Variants in JAKMIP3 observed in about 807,000 individuals in gnomAD.
JAKMIP3 encodes the protein Janus kinase and microtubule interacting protein 3, also known as janus kinase and microtubule-interacting protein 3.
A neutral mutation model predicts 118.5 loss-of-function variants in JAKMIP3; 58 were observed. That is an observed-to-expected ratio of 0.49 (90% CI 0.40 to 0.61). JAKMIP3 has a LOEUF of 0.61. JAKMIP3 is among the 20% of genes least tolerant of loss of function. The pLI is 0.00. For synonymous variants in JAKMIP3, 486 were observed against 451.2 expected (o/e 1.08, Z -0.98); for missense variants, 950 against 1,109.0 (o/e 0.86, Z 2.04).
intron 1 of JAKMIP3, among the ~76,000 whole-genome samples, chr10:132,085,949 G>A (rs1812420018): frequency 6.6e-6 from 1 of 152,028 alleles, no homozygotes; most frequent in Non-Finnish European, 1.5e-5. Context: ...CTAGCTTCTT[G>A]AGGTGTGACC....
At chr10:132,135,356 G>A (rs960410288) in intron 5 of JAKMIP3, among the ~76,000 whole-genome samples, 196 bp downstream of exon 5, 1 of 152,210 alleles carries the variant, frequency 6.6e-6, no homozygotes, top group African/African-American at 2.4e-5. Context: ...TGCCCCTCAA[G>A]GGCTGGTTGA....
rs145216345 is a variant in JAKMIP3 at position 132,126,170 on chromosome 10, G to A, written c.634-7142G>A. On this transcript the variant is annotated intron_variant, in intron 3 of 23. Transcript: ENST00000684848. ...GTGTAACTTTGAACAGAGAAGTGTT[G>A]AGAGTGACCACCTCCTGTCCTAATT... Among the ~76,000 whole-genome samples, 1,163 of 152,308 alleles carry A rather than the reference G, an allele frequency of 7.6e-3. 8 individuals are homozygous for A. Among genetic ancestry groups the A allele is most frequent in the Non-Finnish European group, 0.012 (811 of 68,028 alleles).
At chr10:132,132,569 C>T (rs1036230149) in intron 3 of JAKMIP3, among the ~76,000 whole-genome samples, 4 of 152,302 alleles carry the variant, frequency 2.6e-5, no homozygotes, top group South Asian at 2.1e-4. Context: ...TGGGGAGGGC[C>T]GCCGACCTCT....
intron 19 of JAKMIP3, among the ~76,000 whole-genome samples, chr10:132,155,935 C>G (rs1011377479): frequency 1.3e-5 from 2 of 152,164 alleles, no homozygotes; most frequent in African/African-American, 4.8e-5. Context: ...GTCTGTCCAC[C>G]CTGCTCATGG....
intron 1 of JAKMIP3, among the ~76,000 whole-genome samples, chr10:132,073,589 C>T (rs1488557004): frequency 9.2e-5 from 14 of 151,856 alleles, no homozygotes; most frequent in East Asian, 7.7e-4. Flanking sequence ...CTTGACCTCC[C>T]GGGCTCAAGC....
chr10:132,054,246 GGCT>G (rs1159593974), intron 1 of JAKMIP3, among the ~76,000 whole-genome samples: 3 of 151,994 alleles, frequency 2.0e-5, no homozygotes, highest in Non-Finnish European at 2.9e-5. Context: ...GGAGCTGGCA[GGCT>G]CAGGGAAGGT....
chr10:132,067,760 G>C (rs372293374), intron 1 of JAKMIP3, among the ~76,000 whole-genome samples: 21 of 143,632 alleles, frequency 1.5e-4, no homozygotes, highest in Admixed American at 6.3e-4. Flanking sequence ...GTGGGCTTCC[G>C]TGTGGACTCT....
At chr10:132,040,366 T>C (rs1055137181) in intron 1 of JAKMIP3, among the ~76,000 whole-genome samples, 5 of 152,144 alleles carry the variant, frequency 3.3e-5, no homozygotes, top group African/African-American at 9.7e-5. Context: ...CATATTGTGA[T>C]GGGGATGAGC....
In JAKMIP3 at chr10:132,104,589, C is replaced by A. The variant is rs2045619243; in HGVS notation, c.-137-83C>A. The A allele has an allele frequency of 3.1e-5, 18 of 575,200 alleles. No homozygotes were observed. In the South Asian group the frequency reaches 3.5e-4, roughly 11 times the overall value. The allele number at this position is 575,200 out of a possible 1,614,324, so 35.6% of individuals were successfully genotyped here. ...TGCAATGAGGTGGGGGGTCCACGTG[C>A]CCCTGCCCCGGCACACAAGCCCCTG... On this transcript the variant is annotated intron_variant, in intron 1 of 23. Transcript: ENST00000684848.
upstream of JAKMIP3, among the ~76,000 whole-genome samples, chr10:132,064,198 G>A (rs1232337353): frequency 6.6e-6 from 1 of 152,184 alleles, no homozygotes; most frequent in South Asian, 2.1e-4. This position sits in a 1 kb window ranked among gnomAD's most constrained non-coding sequence, Gnocchi z 4.4. Flanking sequence ...CAACACTGCC[G>A]TAAGCATCCC....
chr10:132,090,846 C>T (rs1383769510), intron 1 of JAKMIP3, among the ~76,000 whole-genome samples: 1 of 152,094 alleles, frequency 6.6e-6, no homozygotes, highest in African/African-American at 2.4e-5. Context: ...GCATTTAGTG[C>T]CATAGTTCTT....
intron 1 of JAKMIP3, among the ~76,000 whole-genome samples, chr10:132,070,701 G>T (rs12264190): frequency 0.017 from 2,527 of 152,204 alleles, 63 homozygotes; most frequent in African/African-American, 0.057. Flanking sequence ...ACTTTAAGAA[G>T]AGCTTAGTCT....
intron 16 of JAKMIP3, among the ~76,000 whole-genome samples, chr10:132,152,435 C>T (rs2056378351): frequency 6.6e-6 from 1 of 152,172 alleles, no homozygotes; most frequent in African/African-American, 2.4e-5. Context: ...GAAGGGCCAC[C>T]CAGGGGCCCC....
intron 2 of JAKMIP3, among the ~76,000 whole-genome samples, chr10:132,109,624 C>A (rs375046508): frequency 6.6e-6 from 1 of 152,144 alleles, no homozygotes; most frequent in Non-Finnish European, 1.5e-5. Context: ...AGCCTCCGGC[C>A]GCTTTTCTTC....
chr10:132,042,944 A>C (rs1250287045), intron 1 of JAKMIP3, among the ~76,000 whole-genome samples: 1 of 151,734 alleles, frequency 6.6e-6, no homozygotes, highest in South Asian at 2.1e-4. Flanking sequence ...AAAAACAAAA[A>C]TTAGCGAGTT....
intron 3 of JAKMIP3, among the ~76,000 whole-genome samples, chr10:132,125,157 C>T (rs370304632): frequency 1.3e-5 from 2 of 152,232 alleles, no homozygotes; most frequent in Non-Finnish European, 2.9e-5. Flanking sequence ...CCTCCGAGGG[C>T]GTGAAGTTGC....
rs1589925240 is a variant in JAKMIP3 at position 132,140,593 on chromosome 10, C to T, written c.1473+14C>T. The T allele has an allele frequency of 7.2e-7, 1 of 1,396,478 alleles. No homozygotes were observed. The allele number at this position is 1,396,478 out of a possible 1,614,324, so 86.5% of individuals were successfully genotyped here. Reference sequence around the variant, plus strand: ...GACTTGGAGGAGGTAACGAGGGTCTCCTGCCGGGTCCTGGGCTTGGAGGAG... The same window carrying T: ...GACTTGGAGGAGGTAACGAGGGTCTTCTGCCGGGTCCTGGGCTTGGAGGAG... On this transcript the variant is annotated intron_variant, in intron 10 of 23. Transcript: ENST00000684848.
At chr10:132,136,503 G>T (rs1043379002) in intron 6 of JAKMIP3, among the ~76,000 whole-genome samples, 4 of 152,224 alleles carry the variant, frequency 2.6e-5, no homozygotes, top group African/African-American at 9.6e-5. Context: ...CATGAGCCAG[G>T]AGTGGGGGGC....
At chr10:132,060,584 T>A (rs552777909), upstream of JAKMIP3, among the ~76,000 whole-genome samples, 1 of 152,324 alleles carries the variant, frequency 6.6e-6, no homozygotes, top group African/African-American at 2.4e-5. Context: ...CTATCTCGCA[T>A]GAATTTGCCT....
Sources: allele counts gnomAD v4.1 joint callset (sites outside exome capture counted in the v4.1 genomes callset), GRCh38; gene constraint gnomAD v4.1.1; non-coding constraint Gnocchi (gnomAD v3.1); transcripts MANE v1.5; gene names NCBI Gene and HGNC (gene_info 2026-07-23, HGNC 2026-07-21).